Variants in VPS35L observed in about 807,000 individuals in gnomAD.
VPS35L encodes VPS35 endosomal protein sorting factor like.
Under a neutral mutation model 133.0 loss-of-function variants are expected in VPS35L, and 83 were observed. That is an observed-to-expected ratio of 0.62 (90% CI 0.52 to 0.75). The LOEUF (loss-of-function observed/expected upper bound fraction) is 0.75, where lower values mean the gene tolerates loss of function less well. Among genes scored for constraint, VPS35L ranks in the 30% least tolerant of loss-of-function variants. VPS35L has a pLI of 0.00. For synonymous variants in VPS35L, 423 were observed against 449.9 expected (o/e 0.94, Z 0.76); for missense variants, 1,083 against 1,206.8 (o/e 0.90, Z 1.52).
At chr16:19,656,334 G>T (rs948458301) in intron 26 of VPS35L, among the ~76,000 whole-genome samples, 1 of 140,340 alleles carries the variant, frequency 7.1e-6, no homozygotes, top group Non-Finnish European at 1.5e-5. Flanking sequence ...TTTAAGGTGG[G>T]TCTTAAAAGA....
chr16:19,626,315 G>A (rs1357906281), intron 15 of VPS35L, 92 bp downstream of exon 15: 6 of 933,442 alleles, frequency 6.4e-6, no homozygotes, highest in Non-Finnish European at 1.0e-5. Context: ...ATGAGCTGAA[G>A]AGAGAGAGGC....
rs777939797 is a variant in VPS35L, at chr16:19,592,081, CTT to C, written c.724+217_724+218del. Among the ~76,000 whole-genome samples the C allele has an allele frequency of 6.8e-3, 987 of 145,818 alleles. 5 individuals carry two copies. The highest frequency in any genetic ancestry group is 0.011 in the Non-Finnish European group (753 of 65,924). On this transcript the variant is annotated intron_variant, in intron 8 of 30. Coordinates refer to ENST00000417362, the MANE Select transcript of VPS35L (RefSeq NM_020314.7). ...AATTTCTAAAATTTTATTTTTTCTT[CTT>C]TTTTTTTTTGAGTCAGGGTCTTGCT... is the stretch of plus-strand genomic sequence containing the variant.
intron 28 of VPS35L, among the ~76,000 whole-genome samples, chr16:19,690,813 AAT>A (rs1238622482): frequency 6.6e-6 from 1 of 152,150 alleles, no homozygotes; most frequent in East Asian, 1.9e-4. Context: ...AAATTAAAAA[AAT>A]AGCCAGGCGT....
At chr16:19,645,297 T>C (rs1238742853) in intron 23 of VPS35L, among the ~76,000 whole-genome samples, 4 of 149,562 alleles carry the variant, frequency 2.7e-5, no homozygotes, top group South Asian at 2.1e-4. Flanking sequence ...TTTCTTTTTT[T>C]TTTTTTTTTT....
intron 11 of VPS35L, among the ~76,000 whole-genome samples, chr16:19,609,309 C>T (rs1972633595): frequency 1.3e-5 from 2 of 152,202 alleles, no homozygotes; most frequent in Non-Finnish European, 2.9e-5. Flanking sequence ...CTGGTACTAG[C>T]TGTATGGTCT....
At chr16:19,574,470 G>C (rs1319348909) in intron 4 of VPS35L, among the ~76,000 whole-genome samples, 2 of 152,102 alleles carry the variant, frequency 1.3e-5, no homozygotes, top group African/African-American at 2.4e-5. Flanking sequence ...GTGCCCTGGA[G>C]GAAACAGTGA....
At chr16:19,627,649 T>G in intron 15 of VPS35L, 45 bp from the exon 16 acceptor site, 1 of 1,434,838 alleles carries the variant, frequency 7.0e-7, no homozygotes, top group Non-Finnish European at 9.8e-7. Context: ...AAAGCAACTT[T>G]GATTGAGGAG....
chr16:19,698,085 G>T (rs1367221060), intron 29 of VPS35L, among the ~76,000 whole-genome samples: 1 of 152,230 alleles, frequency 6.6e-6, no homozygotes, highest in South Asian at 2.1e-4. Context: ...TGGGGCCGGC[G>T]TCTCTGTTCT....
intron 1 of VPS35L, among the ~76,000 whole-genome samples, chr16:19,560,802 A>T (rs1474919492): frequency 1.3e-5 from 2 of 152,146 alleles, no homozygotes; most frequent in African/African-American, 4.8e-5. Flanking sequence ...TCTAAAAAAA[A>T]AAAAGTGATT....
chr16:19,556,886 A>C (rs903254690), intron 1 of VPS35L, among the ~76,000 whole-genome samples: 3 of 148,076 alleles, frequency 2.0e-5, no homozygotes, highest in African/African-American at 7.5e-5. Flanking sequence ...GCACTTTGGG[A>C]GGCCGAGGCT....
chr16:19,644,870 C>A lies in VPS35L; in HGVS notation c.1866-16C>A. 1.3e-6 allele frequency: 2 copies of A among 1,558,668 alleles called. No individual in the cohort carries two copies. The highest frequency in any genetic ancestry group is 1.8e-6 in the Non-Finnish European group (2 of 1,136,168). On this transcript the variant is annotated splice_polypyrimidine_tract_variant and intron_variant, in intron 22 of 30. Coordinates refer to ENST00000417362, the MANE Select transcript of VPS35L (RefSeq NM_020314.7). ...CTATTACCTCCGTGTTAATTATGTA[C>A]AATTATTGATTTTAGTGCACTCACT...
chr16:19,559,740 C>T (rs1597297125), intron 1 of VPS35L, among the ~76,000 whole-genome samples: 1 of 151,420 alleles, frequency 6.6e-6, no homozygotes, highest in Admixed American at 6.6e-5. Flanking sequence ...GATGCAGTCT[C>T]GCCTGCCGTA....
At chr16:19,634,508 T>C (rs955471306) in intron 19 of VPS35L, among the ~76,000 whole-genome samples, 5 of 151,618 alleles carry the variant, frequency 3.3e-5, no homozygotes, top group Admixed American at 1.3e-4. Context: ...TTGCTCCCAA[T>C]TTGAGGATCA....
intron 8 of VPS35L, among the ~76,000 whole-genome samples, chr16:19,592,566 G>C (rs1384640309): frequency 1.3e-5 from 2 of 151,970 alleles, no homozygotes; most frequent in African/African-American, 4.8e-5. Context: ...CATGTACCCA[G>C]TTGCCTGAGC....
At chr16:19,643,205 C>T (rs1667366727) in intron 22 of VPS35L, among the ~76,000 whole-genome samples, 2 of 152,116 alleles carry the variant, frequency 1.3e-5, no homozygotes, top group East Asian at 1.9e-4. Flanking sequence ...ATCAAAGTGT[C>T]GAGGCATTTC....
chr16:19,597,127 G>A (rs1454268667), intron 8 of VPS35L, among the ~76,000 whole-genome samples: 2 of 152,088 alleles, frequency 1.3e-5, no homozygotes, highest in Non-Finnish European at 2.9e-5. Context: ...CCAGCACTTT[G>A]GGAGGCTGAG....
At chr16:19,677,868 T>C (rs9933924) in intron 27 of VPS35L, among the ~76,000 whole-genome samples, 17,640 of 152,204 alleles carry the variant, frequency 0.12, 1,491 homozygotes, top group African/African-American at 0.22. Flanking sequence ...TCTAAAGGGC[T>C]TTATGATTAC....
chr16:19,644,098 T>A (rs116035737), intron 22 of VPS35L, among the ~76,000 whole-genome samples: 28 of 151,336 alleles, frequency 1.9e-4, no homozygotes, highest in South Asian at 6.3e-4. Flanking sequence ...CTCTTAAAAA[T>A]TTTTTTTTTA....
intron 16 of VPS35L, 133 bp downstream of exon 16, chr16:19,627,938 G>A (rs1333869089): frequency 1.8e-5 from 13 of 704,660 alleles, no homozygotes; most frequent in Middle Eastern, 3.3e-4. Flanking sequence ...TCTGAGGAAC[G>A]CAATGGAAGA....
Sources: gnomAD v4.1 joint callset for allele counts (sites outside exome capture counted in the v4.1 genomes callset) on GRCh38, gnomAD v4.1.1 for gene constraint, MANE v1.5 for transcripts, NCBI Gene and HGNC (gene_info 2026-07-23, HGNC 2026-07-21) for gene names.